ALOX5AP: variants seen among roughly 807,000 people sequenced by gnomAD.
The protein encoded by ALOX5AP is arachidonate 5-lipoxygenase-activating protein.
Under a neutral mutation model 18.5 loss-of-function variants are expected in ALOX5AP, and 9 were observed. The observed-to-expected ratio is 0.49, with a 90% CI of 0.29 to 0.85. The LOEUF (loss-of-function observed/expected upper bound fraction) is 0.85, where lower values mean the gene tolerates loss of function less well. ALOX5AP is among the 40% of genes least tolerant of loss of function. The pLI, the probability that ALOX5AP is intolerant of heterozygous loss-of-function variation, is 0.08. For synonymous variants in ALOX5AP, 81 were observed against 78.6 expected (o/e 1.03, Z -0.16); for missense variants, 172 against 202.5 (o/e 0.85, Z 0.91).
chr13:30,734,897 T>A (rs1019524081), upstream of ALOX5AP, among the ~76,000 whole-genome samples: 5 of 152,220 alleles, frequency 3.3e-5, no homozygotes, highest in Non-Finnish European at 5.9e-5. Context: ...CTACTTACCG[T>A]GTGTTAAGTG....
At chr13:30,758,881 C>T (rs1207235867) in intron 4 of ALOX5AP, among the ~76,000 whole-genome samples, 1 of 151,972 alleles carries the variant, frequency 6.6e-6, no homozygotes. Flanking sequence ...GTGGCCTGAT[C>T]TTGGCTCACT....
chr13:30,718,460 C>T (rs1951567477), intron 1 of ALOX5AP, among the ~76,000 whole-genome samples: 2 of 151,126 alleles, frequency 1.3e-5, no homozygotes, highest in Admixed American at 6.6e-5. Flanking sequence ...CAGTTCTTCT[C>T]TCCATGTCTC....
chr13:30,750,212 G>A (rs1420581308), intron 2 of ALOX5AP, among the ~76,000 whole-genome samples: 1 of 152,156 alleles, frequency 6.6e-6, no homozygotes, highest in African/African-American at 2.4e-5. Flanking sequence ...CATGGACTGT[G>A]AGAATTCACA....
intron 1 of ALOX5AP, chr13:30,713,966 T>C (rs1326945787): frequency 9.4e-6 from 10 of 1,062,226 alleles, no homozygotes; most frequent in African/African-American, 1.6e-5. Context: ...AGAAGCAGTA[T>C]TGGGCAGCTA....
At chr13:30,752,659 G>A (rs972687129) in intron 3 of ALOX5AP, among the ~76,000 whole-genome samples, 1 of 152,220 alleles carries the variant, frequency 6.6e-6, no homozygotes, top group Non-Finnish European at 1.5e-5. Flanking sequence ...GTGGAAATCA[G>A]TCATACTTTT....
rs59980433 is a variant in ALOX5AP at position 30,741,103 on chromosome 13, C to CTTTTTTTTT, written c.71-2930_71-2922dup. ...TTAACCTACACACATCCTCCATATC[C>CTTTTTTTTT]TTTTTTTTTTTTTTTTTTTTTTTTT... On this transcript the variant is annotated intron_variant, in intron 1 of 4. Coordinates refer to ENST00000380490, the MANE Select transcript of ALOX5AP (RefSeq NM_001629.4). Among the ~76,000 whole-genome samples, 152 of 64,014 alleles carry CTTTTTTTTT rather than the reference C, an allele frequency of 2.4e-3. 12 individuals carry two copies. The highest frequency in any genetic ancestry group is 3.0e-3 in the Non-Finnish European group (107 of 36,058). The allele number at this position is 64,014 out of a possible 152,430, so 42.0% of individuals were successfully genotyped here. A position where few individuals can be genotyped will look rare whatever the true frequency, so the allele number is the denominator to read the frequency against.
At chr13:30,719,858 G>A in intron 1 of ALOX5AP, among the ~76,000 whole-genome samples, 1 of 151,538 alleles carries the variant, frequency 6.6e-6, no homozygotes, top group East Asian at 1.9e-4. Flanking sequence ...TTTTTTCCCA[G>A]AGGATAATTT....
chr13:30,743,931 T>C (rs17238738), intron 1 of ALOX5AP, 129 bp from the exon 2 acceptor site: 1 of 691,034 alleles, frequency 1.4e-6, no homozygotes, highest in African/African-American at 1.8e-5. Context: ...AAATGACAGT[T>C]GATGGAGGAC....
chr13:30,730,360 G>C (rs1951671605), intron 1 of ALOX5AP, among the ~76,000 whole-genome samples: 1 of 152,230 alleles, frequency 6.6e-6, no homozygotes, highest in Non-Finnish European at 1.5e-5. Context: ...GGTTCTCACA[G>C]ACACCATTGG....
At chr13:30,731,463 T>C (rs1326289515), upstream of ALOX5AP, among the ~76,000 whole-genome samples, 1 of 151,668 alleles carries the variant, frequency 6.6e-6, no homozygotes, top group Non-Finnish European at 1.5e-5. Flanking sequence ...AGCCTCCATC[T>C]CTACAGCCTC....
intron 3 of ALOX5AP, among the ~76,000 whole-genome samples, chr13:30,754,309 G>A (rs1951874977): frequency 1.3e-5 from 2 of 152,188 alleles, no homozygotes; most frequent in Non-Finnish European, 2.9e-5. Context: ...ATTTTGGAAG[G>A]CAGGAGGAAT....
intron 1 of ALOX5AP, among the ~76,000 whole-genome samples, chr13:30,723,798 C>T (rs1433715083): frequency 1.3e-5 from 2 of 152,120 alleles, no homozygotes; most frequent in African/African-American, 4.8e-5. Context: ...CAGGGTCTTG[C>T]TATGTTGCCC....
Position 30,735,593 on chromosome 13 carries a change from G to A in ALOX5AP, c.-13G>A. 2 of 1,614,152 alleles carry A rather than the reference G, an allele frequency of 1.2e-6. No homozygotes were observed. The highest frequency in any genetic ancestry group is 8.5e-7 in the Non-Finnish European group (1 of 1,180,016). ...GAGGCAGAGCAGTCCTCTCTGGGGA[G>A]CCTGAAGCAAACATGGATCAAGAAA... On this transcript the variant is annotated 5_prime_UTR_variant, in exon 1 of 5. Coordinates refer to ENST00000380490, the MANE Select transcript of ALOX5AP (RefSeq NM_001629.4).
chr13:30,725,017 C>T (rs1057160971), intron 1 of ALOX5AP, among the ~76,000 whole-genome samples: 3 of 152,294 alleles, frequency 2.0e-5, no homozygotes, highest in Non-Finnish European at 2.9e-5. Context: ...CCCAAAGTGG[C>T]TAGCTGAGGC....
At chr13:30,748,898 A>G (rs953720496) in intron 2 of ALOX5AP, among the ~76,000 whole-genome samples, 1 of 152,242 alleles carries the variant, frequency 6.6e-6, no homozygotes, top group East Asian at 1.9e-4. Context: ...TTCAAAGACT[A>G]CACGAGCAGC....
chr13:30,735,913 C>T (rs915781938), intron 1 of ALOX5AP, among the ~76,000 whole-genome samples: 1 of 152,154 alleles, frequency 6.6e-6, no homozygotes, highest in Non-Finnish European at 1.5e-5. Context: ...ATTTTTAGAG[C>T]CAGGGCTGCA....
chr13:30,719,303 CT>C (rs1287640969), intron 1 of ALOX5AP, among the ~76,000 whole-genome samples: 5 of 152,322 alleles, frequency 3.3e-5, no homozygotes, highest in Admixed American at 6.5e-5. Flanking sequence ...AATGATGACT[CT>C]CTAGGCTAGG....
At chr13:30,717,056 C>T (rs556467792) in intron 1 of ALOX5AP, among the ~76,000 whole-genome samples, 7 of 152,188 alleles carry the variant, frequency 4.6e-5, no homozygotes, top group Non-Finnish European at 1.0e-4. Context: ...ACTGCCCATG[C>T]GGCCGATCTG....
At chr13:30,739,544 C>T (rs890400789) in intron 1 of ALOX5AP, among the ~76,000 whole-genome samples, 1 of 152,230 alleles carries the variant, frequency 6.6e-6, no homozygotes, top group African/African-American at 2.4e-5. Context: ...AAGTGATTCT[C>T]ATGTCTCAGC....
Sources: allele counts gnomAD v4.1 joint callset (sites outside exome capture counted in the v4.1 genomes callset), GRCh38; gene constraint gnomAD v4.1.1; transcripts MANE v1.5; gene names NCBI Gene and HGNC (gene_info 2026-07-23, HGNC 2026-07-21).